TMEM132D: variants seen among roughly 807,000 people sequenced by gnomAD.
TMEM132D encodes mature OL transmembrane protein.
In TMEM132D, 21 loss-of-function variants were observed where a neutral mutation model predicts 62.3. That is an observed-to-expected ratio of 0.34 (90% CI 0.24 to 0.49). The LOEUF is 0.49. TMEM132D is among the 20% of genes least tolerant of loss of function. TMEM132D has a pLI of 0.99. For synonymous variants in TMEM132D, 621 were observed against 575.6 expected, an observed-to-expected ratio of 1.08 and a Z score of -1.13; for missense variants, 1,346 against 1,402.8, an observed-to-expected ratio of 0.96 and a Z score of 0.65.
chr12:129,197,037 A>G (rs953647970), intron 5 of TMEM132D, among the ~76,000 whole-genome samples: 1 of 152,162 alleles, frequency 6.6e-6, no homozygotes, highest in Non-Finnish European at 1.5e-5. Flanking sequence ...TTCTCTACAG[A>G]GGACTGGATG....
chr12:129,543,159 ATGGG>A (rs1204354689), intron 2 of TMEM132D, among the ~76,000 whole-genome samples: 22 of 63,026 alleles, frequency 3.5e-4, no homozygotes, highest in South Asian at 2.0e-3. Context: ...AGATGGATGA[ATGGG>A]TGGGTGGGTG....
chr12:129,566,271 C>G (rs960162497), intron 2 of TMEM132D, among the ~76,000 whole-genome samples: 1 of 152,154 alleles, frequency 6.6e-6, no homozygotes, highest in African/African-American at 2.4e-5. Context: ...AGGCAGAAAT[C>G]AGAATTTTGG....
At chr12:129,630,877 C>T (rs10847916) in intron 2 of TMEM132D, among the ~76,000 whole-genome samples, 31,214 of 151,850 alleles carry the variant, frequency 0.21, 3,929 homozygotes, top group Admixed American at 0.28. Flanking sequence ...CTCAAGCAGG[C>T]CCCAGTGTCT....
intron 8 of TMEM132D, among the ~76,000 whole-genome samples, chr12:129,078,080 C>CA (rs1318457874): frequency 6.6e-6 from 1 of 152,252 alleles, no homozygotes; most frequent in African/African-American, 2.4e-5. Context: ...TCTCCCGCCA[C>CA]AGGCTCCCCA....
chr12:129,419,854 T>C (rs1328031231), intron 3 of TMEM132D, among the ~76,000 whole-genome samples: 5 of 152,100 alleles, frequency 3.3e-5, no homozygotes, highest in Non-Finnish European at 5.9e-5. Flanking sequence ...TTTCATATAA[T>C]TGTGTCTCAA....
intron 1 of TMEM132D, among the ~76,000 whole-genome samples, chr12:129,722,967 C>T (rs1868895984): frequency 6.6e-6 from 1 of 152,022 alleles, no homozygotes; most frequent in African/African-American, 2.4e-5. Context: ...GTCTTGAACT[C>T]CTGACCTCAA....
chr12:129,569,891 T>C (rs1877463883), intron 2 of TMEM132D, among the ~76,000 whole-genome samples: 1 of 152,156 alleles, frequency 6.6e-6, no homozygotes, highest in Admixed American at 6.5e-5. Flanking sequence ...GGATGGAAAC[T>C]GAACGTTTTT....
At chr12:129,484,128 C>T (rs1301639321) in intron 3 of TMEM132D, among the ~76,000 whole-genome samples, 2 of 152,212 alleles carry the variant, frequency 1.3e-5, no homozygotes, top group African/African-American at 2.4e-5. Flanking sequence ...CACCACCATA[C>T]TTGGCTTATT....
At chr12:129,272,401 G>A (rs1314136149) in intron 4 of TMEM132D, among the ~76,000 whole-genome samples, 1 of 151,864 alleles carries the variant, frequency 6.6e-6, no homozygotes, top group African/African-American at 2.4e-5. Flanking sequence ...TTCACTGGAT[G>A]AAGTCACTGG....
At chr12:129,649,741 C>CTATATA (rs1403571199) in intron 2 of TMEM132D, among the ~76,000 whole-genome samples, 1 of 118,688 alleles carries the variant, frequency 8.4e-6, no homozygotes, top group East Asian at 2.5e-4. Flanking sequence ...CTATATAATA[C>CTATATA]ATAAAGATAT....
At chr12:129,727,462 C>CTAGGTTTAAT (rs1869077699) in intron 1 of TMEM132D, among the ~76,000 whole-genome samples, 1 of 152,186 alleles carries the variant, frequency 6.6e-6, no homozygotes, top group Non-Finnish European at 1.5e-5. Flanking sequence ...GATCTAATCA[C>CTAGGTTTAAT]CTCTTAAAGG....
chr12:129,460,624 C>A (rs751242251), intron 3 of TMEM132D, among the ~76,000 whole-genome samples: 1 of 152,120 alleles, frequency 6.6e-6, no homozygotes, highest in Non-Finnish European at 1.5e-5. Context: ...CATTGGGCAT[C>A]CAGTTAGCGC....
intron 5 of TMEM132D, among the ~76,000 whole-genome samples, chr12:129,126,734 T>A (rs1876224644): frequency 6.6e-6 from 1 of 152,202 alleles, no homozygotes; most frequent in African/African-American, 2.4e-5. Flanking sequence ...AGGAGTCAGA[T>A]AAAATGGGGT....
At chr12:129,803,559 T>C (rs1871871029) in intron 1 of TMEM132D, among the ~76,000 whole-genome samples, 1 of 150,526 alleles carries the variant, frequency 6.6e-6, no homozygotes, top group African/African-American at 2.4e-5. Context: ...GGGAAATTTA[T>C]AGCACTAAAT....
At chr12:129,332,299 A>G (rs1485560329) in intron 4 of TMEM132D, among the ~76,000 whole-genome samples, 1 of 152,208 alleles carries the variant, frequency 6.6e-6, no homozygotes, top group Non-Finnish European at 1.5e-5. Flanking sequence ...TTAAGAAACT[A>G]AAAAGTTTCA....
At chr12:129,546,235 A>G (rs950940370) in intron 2 of TMEM132D, among the ~76,000 whole-genome samples, 2 of 152,214 alleles carry the variant, frequency 1.3e-5, no homozygotes, top group Admixed American at 1.3e-4. Flanking sequence ...ACAAATGTTT[A>G]TATAACCCTT....
Position 129,878,024 on chromosome 12 carries a change from C to T in TMEM132D, c.79+25237G>A, listed in dbSNP as rs75208177. Among the ~76,000 whole-genome samples, 507 of 152,314 alleles carry T rather than the reference C, an allele frequency of 3.3e-3. 13 individuals carry two copies. Among genetic ancestry groups the T allele is most frequent in the East Asian group, 0.026 (133 of 5,166 alleles). Reference sequence around the variant, plus strand: ...CCTGTACTGTCTGTTCCAGGAAATTCCTGCCCAGGAATACAAGACTGTGAA... The same window carrying T: ...CCTGTACTGTCTGTTCCAGGAAATTTCTGCCCAGGAATACAAGACTGTGAA... On this transcript the variant is annotated intron_variant, in intron 1 of 8. Coordinates refer to ENST00000422113, the MANE Select transcript of TMEM132D (RefSeq NM_133448.3).
intron 2 of TMEM132D, among the ~76,000 whole-genome samples, chr12:129,534,422 CAT>C (rs58530324): frequency 0.31 from 34,472 of 111,684 alleles, 5,052 homozygotes; most frequent in African/African-American, 0.47. Flanking sequence ...ATTTTATATA[CAT>C]ATATATATAA....
Position 129,633,555 on chromosome 12 carries a change from A to G in TMEM132D, c.968+66255T>C, listed in dbSNP as rs752152192. Among the ~76,000 whole-genome samples the G allele has an allele frequency of 5.3e-5, 8 of 152,310 alleles. No homozygotes were observed. In the South Asian group the frequency reaches 6.2e-4, roughly 12 times the overall value. On this transcript the variant is annotated intron_variant, in intron 2 of 8. Transcript: ENST00000422113. ...GTGCATTTTAATACCCCTTGAAGTCAAGGGGACCATGATTCACACCCGGAG... is the reference window on the plus strand; with the variant it reads ...GTGCATTTTAATACCCCTTGAAGTCGAGGGGACCATGATTCACACCCGGAG...
Sources: gnomAD v4.1 joint callset for allele counts (sites outside exome capture counted in the v4.1 genomes callset) on GRCh38, gnomAD v4.1.1 for gene constraint, MANE v1.5 for transcripts, NCBI Gene and HGNC (gene_info 2026-07-23, HGNC 2026-07-21) for gene names.